ABCC11: variants seen among roughly 807,000 people sequenced by gnomAD.
The protein encoded by ABCC11 is ATP-binding cassette sub-family C member 11.
Under a neutral mutation model 149.3 loss-of-function variants are expected in ABCC11, and 135 were observed. The observed-to-expected ratio is 0.90, with a 90% CI of 0.79 to 1.04. The LOEUF (loss-of-function observed/expected upper bound fraction) is 1.04. Among genes scored for constraint, ABCC11 ranks in the 50% least tolerant of loss-of-function variants. ABCC11 has a pLI of 0.00. For missense variants in ABCC11, 1,680 were observed against 1,722.1 expected (o/e 0.98, Z 0.43); for synonymous variants, 665 against 671.4 (o/e 0.99, Z 0.15).
intron 17 of ABCC11, among the ~76,000 whole-genome samples, chr16:48,197,261 T>A (rs1279057825): frequency 6.6e-6 from 1 of 151,846 alleles, no homozygotes; most frequent in African/African-American, 2.4e-5. Flanking sequence ...GAGGCAGAGG[T>A]TGAAGTGAGC....
chr16:48,173,164 AG>A (rs532186071), intron 26 of ABCC11, among the ~76,000 whole-genome samples: 166 of 152,344 alleles, frequency 1.1e-3, no homozygotes, highest in African/African-American at 3.6e-3. Context: ...TCACGCCACA[AG>A]CCAGTATGAG....
rs199885208 is a variant in ABCC11, at chr16:48,192,505, C to G, written c.2706+15G>C. 1 of 1,613,904 alleles carries G rather than the reference C, an allele frequency of 6.2e-7. No individual in the cohort carries two copies. The highest frequency in any genetic ancestry group is 1.3e-5 in the African/African-American group (1 of 75,056). Reference sequence around the variant, plus strand: ...GAGCTCAGCCTTCGGCCCCACCCAGCACCCAGGCCCATACCTTGTTGAAGA... The same window carrying G: ...GAGCTCAGCCTTCGGCCCCACCCAGGACCCAGGCCCATACCTTGTTGAAGA... On this transcript the variant is annotated intron_variant, in intron 20 of 29. Coordinates refer to ENST00000356608, the MANE Select transcript of ABCC11 (RefSeq NM_001370497.1).
chr16:48,187,183 C>CA lies in ABCC11; in HGVS notation c.2933+17dup, dbSNP rs758242372. 2.5e-6 allele frequency: 4 copies of CA among 1,613,514 alleles called. No individual in the cohort carries two copies. The highest frequency in any genetic ancestry group is 2.5e-6 in the Non-Finnish European group (3 of 1,179,690). Reference sequence around the variant, plus strand: ...CCAGCCTTGCTCCCCAAGTCACAAGCAAAAAGAACCTACTCACATATAATA... The same window carrying CA: ...CCAGCCTTGCTCCCCAAGTCACAAGCAAAAAAGAACCTACTCACATATAATA... On this transcript the variant is annotated intron_variant, in intron 21 of 29. Transcript: ENST00000356608.
rs747516036 is a variant in ABCC11 at position 48,231,966 on chromosome 16, GAA to G, written c.-18-29_-18-28del. The stretch of plus-strand genomic sequence containing the variant: ...TTCGTTTCCCAGAATCAGAGAATAT[GAA>G]AAGACAGCAGGAGTTAGAAGAAGCT... On this transcript the variant is annotated intron_variant, in intron 1 of 29. Transcript: ENST00000356608. The G allele has an allele frequency of 5.6e-6, 9 of 1,612,988 alleles. No individual in the cohort carries two copies. The East Asian group carries it at 6.7e-5, about 12-fold the overall frequency.
In ABCC11 at chr16:48,210,991, C is replaced by T. The variant is rs1596781898; in HGVS notation, c.1565G>A (p.Ser522Asn). 4 of 1,614,214 alleles carry T rather than the reference C, an allele frequency of 2.5e-6. No homozygotes were observed. The highest frequency in any genetic ancestry group is 3.4e-6 in the Non-Finnish European group (4 of 1,180,036). Residue 522 changes from serine to asparagine, a missense_variant, in exon 11 of 30, where the codon AGC becomes AAC. Ser to Asn is a conservative substitution (Grantham distance 46). Coordinates refer to ENST00000356608, the MANE Select transcript of ABCC11 (RefSeq NM_001370497.1). The stretch of plus-strand genomic sequence containing the variant: ...GATCTTGTGCAACTCTGGGCCCAGG[C>T]TGTTCCCTTCTTCCTCTGGCCCGAG... Reference protein sequence around the residue: ...DALGPEEEGNSLGPELHKINL... With the variant: ...DALGPEEEGNNLGPELHKINL...
chr16:48,236,176 G>T (rs1459569228), intron 1 of ABCC11, among the ~76,000 whole-genome samples: 2 of 152,208 alleles, frequency 1.3e-5, no homozygotes, highest in Non-Finnish European at 2.9e-5. Context: ...AGGGCATCTT[G>T]TTGCCTGAAG....
chr16:48,200,007 G>A (rs1967807434), intron 15 of ABCC11, among the ~76,000 whole-genome samples: 1 of 151,896 alleles, frequency 6.6e-6, no homozygotes, highest in Non-Finnish European at 1.5e-5. Context: ...GAAAAGCAGG[G>A]GTCTACTCAA....
intron 20 of ABCC11, among the ~76,000 whole-genome samples, chr16:48,187,843 G>A (rs1303066101): frequency 6.6e-6 from 1 of 152,188 alleles, no homozygotes; most frequent in East Asian, 1.9e-4. Flanking sequence ...AGCAGTGCCT[G>A]CCCCTGAGGT....
intron 18 of ABCC11, among the ~76,000 whole-genome samples, chr16:48,196,003 T>C (rs1260553190): frequency 1.3e-5 from 2 of 152,078 alleles, no homozygotes; most frequent in African/African-American, 4.8e-5. Context: ...AATTAAAAAA[T>C]AGAAAAACAC....
intron 14 of ABCC11, 152 bp from the exon 15 acceptor site, chr16:48,200,631 T>G (rs982759154): frequency 6.5e-6 from 5 of 766,534 alleles, no homozygotes; most frequent in Admixed American, 6.1e-5. Context: ...CATTCTGGAC[T>G]TAAAAATACA....
intron 26 of ABCC11, among the ~76,000 whole-genome samples, chr16:48,173,735 G>A (rs998251528): frequency 2.6e-5 from 4 of 152,176 alleles, no homozygotes; most frequent in South Asian, 4.1e-4. Context: ...TGCGATTCAC[G>A]TGCCTCAGCC....
intron 12 of ABCC11, among the ~76,000 whole-genome samples, chr16:48,207,603 G>A (rs1376674115): frequency 6.6e-6 from 1 of 151,984 alleles, no homozygotes; most frequent in Non-Finnish European, 1.5e-5. Context: ...GGAGGCAGAG[G>A]TTGCAGTGAG....
intron 1 of ABCC11, among the ~76,000 whole-genome samples, chr16:48,232,543 G>A (rs1038641530): frequency 1.3e-5 from 2 of 151,834 alleles, no homozygotes; most frequent in Admixed American, 6.6e-5. Flanking sequence ...AAATAATCAG[G>A]GTTCTTTTTT....
intron 18 of ABCC11, among the ~76,000 whole-genome samples, chr16:48,194,813 A>T (rs1438211757): frequency 6.6e-6 from 1 of 152,236 alleles, no homozygotes; most frequent in Admixed American, 6.5e-5. Context: ...TTGATCTTGG[A>T]CTTCCCAGTC....
At chr16:48,187,673 T>A (rs1274945083) in intron 20 of ABCC11, among the ~76,000 whole-genome samples, 5 of 152,050 alleles carry the variant, frequency 3.3e-5, no homozygotes, top group African/African-American at 1.2e-4. Flanking sequence ...GTTAGCGAAA[T>A]GGGAATGAAA....
intron 4 of ABCC11, 74 bp from the exon 5 acceptor site, chr16:48,224,503 A>T: frequency 6.5e-7 from 1 of 1,539,940 alleles, no homozygotes; most frequent in African/African-American, 1.4e-5. Flanking sequence ...CTTGCTAGCC[A>T]GGAGCTTTGT....
At chr16:48,232,053 C>T in intron 1 of ABCC11, 114 bp from the exon 2 acceptor site, 1 of 1,504,402 alleles carries the variant, frequency 6.6e-7, no homozygotes, top group Non-Finnish European at 8.9e-7. Flanking sequence ...CATATTGGGG[C>T]CATGCAGAGG....
chr16:48,231,801 T>C lies in ABCC11; in HGVS notation c.99+22A>G, dbSNP rs1376694220. 5 of 1,610,946 alleles carry C rather than the reference T, an allele frequency of 3.1e-6. No individual in the cohort carries two copies. The South Asian group carries it at 3.3e-5, about 11-fold the overall frequency. On this transcript the variant is annotated intron_variant, in intron 2 of 29. Transcript: ENST00000356608. ...CTGCCAACTCAGTTTCCTGGTGTGC[T>C]GATGCTAAGAGATCTACTTACATAA... is the stretch of plus-strand genomic sequence containing the variant.
At chr16:48,211,791 G>A (rs944654100) in intron 10 of ABCC11, among the ~76,000 whole-genome samples, 8 of 152,178 alleles carry the variant, frequency 5.3e-5, no homozygotes, top group African/African-American at 1.7e-4. Flanking sequence ...ATCATCAGCA[G>A]GTCAATTCTC....
Sources: allele counts gnomAD v4.1 joint callset (sites outside exome capture counted in the v4.1 genomes callset), GRCh38; gene constraint gnomAD v4.1.1; transcripts MANE v1.5; gene names NCBI Gene and HGNC (gene_info 2026-07-23, HGNC 2026-07-21).